HHAT: variants seen among roughly 807,000 people sequenced by gnomAD.
HHAT encodes protein-cysteine N-palmitoyltransferase HHAT.
In HHAT, 47 loss-of-function variants were observed where a neutral mutation model predicts 70.8. That is an observed-to-expected ratio of 0.66 (90% confidence interval 0.53 to 0.85). The LOEUF (loss-of-function observed/expected upper bound fraction) is 0.85. Among genes scored for constraint, HHAT ranks in the 40% least tolerant of loss-of-function variants. The pLI is 0.00. For synonymous variants in HHAT, 228 were observed against 247.6 expected (o/e 0.92, Z 0.74); for missense variants, 609 against 604.8 (o/e 1.01, Z -0.07).
chr1:210,646,305 A>C (rs1674054422), intron 11 of HHAT, among the ~76,000 whole-genome samples: 1 of 152,228 alleles, frequency 6.6e-6, no homozygotes, highest in Non-Finnish European at 1.5e-5. Context: ...GCATATTATT[A>C]TACTAAAGCA....
At chr1:210,576,436 G>A (rs1558195705) in intron 9 of HHAT, among the ~76,000 whole-genome samples, 1 of 149,570 alleles carries the variant, frequency 6.7e-6, no homozygotes, top group African/African-American at 2.5e-5. Flanking sequence ...TGGGGTGTGT[G>A]CGTGTGCGTG....
chr1:210,329,130 T>A (rs773596977), intron 1 of HHAT, 26 bp downstream of exon 1: 2 of 1,317,174 alleles, frequency 1.5e-6, no homozygotes, highest in Non-Finnish European at 1.9e-6. Context: ...CCATAGGGGG[T>A]CCTGGGGAGG....
intron 7 of HHAT, among the ~76,000 whole-genome samples, chr1:210,428,314 A>AATTTTG: frequency 8.3e-5 from 3 of 35,968 alleles, no homozygotes; most frequent in South Asian, 1.1e-3. Context: ...ATATATATAT[A>AATTTTG]TATATATATA....
intron 8 of HHAT, among the ~76,000 whole-genome samples, chr1:210,497,867 G>A (rs993215848): frequency 6.6e-5 from 10 of 151,682 alleles, no homozygotes; most frequent in Non-Finnish European, 1.2e-4. Flanking sequence ...CCTGGTTCAA[G>A]CAATTCTCCT....
At chr1:210,580,097 A>T (rs1426033954) in intron 9 of HHAT, among the ~76,000 whole-genome samples, 1 of 152,234 alleles carries the variant, frequency 6.6e-6, no homozygotes, top group African/African-American at 2.4e-5. Context: ...AAGAGGGCAT[A>T]GAATTTTTAA....
chr1:210,483,898 G>A (rs1197976663), intron 8 of HHAT, among the ~76,000 whole-genome samples: 2 of 152,148 alleles, frequency 1.3e-5, no homozygotes. Context: ...TTGCCACAGA[G>A]CAAAAGCTGT....
chr1:210,621,410 G>T (rs1473587262), intron 10 of HHAT, among the ~76,000 whole-genome samples: 1 of 151,924 alleles, frequency 6.6e-6, no homozygotes, highest in East Asian at 1.9e-4. Flanking sequence ...TATCTGGAGA[G>T]AATTACTTGG....
At chr1:210,619,236 A>ACC (rs1221226114) in intron 10 of HHAT, among the ~76,000 whole-genome samples, 13 of 152,006 alleles carry the variant, frequency 8.6e-5, no homozygotes, top group Non-Finnish European at 1.5e-5. Context: ...ACAACTGGTC[A>ACC]CCCCTGCCTG....
At position 210,525,265 on chromosome 1, in the gene HHAT, C is replaced by T. The variant is rs76900153; in HGVS notation, c.1043+12077C>T. On this transcript the variant is annotated intron_variant, in intron 9 of 11. Coordinates refer to ENST00000261458, the MANE Select transcript of HHAT (RefSeq NM_018194.6). The stretch of plus-strand genomic sequence containing the variant: ...TAAATCCACAAGGCTGGCTCATTCT[C>T]TGGGGCTGCCAGTGAAATCTGTCAC... Among the ~76,000 whole-genome samples the T allele has an allele frequency of 2.1e-4, 32 of 152,218 alleles. No homozygotes were observed. The East Asian group carries it at 6.0e-3, about 29-fold the overall frequency.
At chr1:210,393,626 C>T (rs1039499215) in intron 4 of HHAT, among the ~76,000 whole-genome samples, 4 of 152,150 alleles carry the variant, frequency 2.6e-5, no homozygotes, top group African/African-American at 7.2e-5. Flanking sequence ...CACCTTTCTG[C>T]ATCTTGTTAC....
intron 9 of HHAT, among the ~76,000 whole-genome samples, chr1:210,575,373 T>C (rs560643720): frequency 2.0e-5 from 3 of 152,270 alleles, no homozygotes; most frequent in African/African-American, 7.2e-5. Flanking sequence ...CAAGGACCTT[T>C]TTATTAGCAA....
chr1:210,422,677 G>A (rs937543388), intron 7 of HHAT, among the ~76,000 whole-genome samples: 1 of 151,432 alleles, frequency 6.6e-6, no homozygotes, highest in East Asian at 1.9e-4. Context: ...TCGCTCCATC[G>A]CCCAGGCTGG....
chr1:210,668,609 C>T lies in HHAT; in HGVS notation c.1391-5679C>T, dbSNP rs143736895. On this transcript the variant is annotated intron_variant, in intron 11 of 11. Transcript: ENST00000261458. ...CATGTGGAACTGTGAATCCATTAAA[C>T]CTCTTTTTCTTTATAAATTACCCAG... is the stretch of plus-strand genomic sequence containing the variant. 1.5e-3 allele frequency among the ~76,000 whole-genome samples: 230 copies of T among 152,300 alleles called. 5 individuals carry two copies. The East Asian group carries it at 0.036, about 24-fold the overall frequency.
intron 5 of HHAT, among the ~76,000 whole-genome samples, chr1:210,402,316 G>A (rs543235819): frequency 6.6e-6 from 1 of 152,312 alleles, no homozygotes; most frequent in Admixed American, 6.5e-5. Context: ...GACCATTGAT[G>A]TTTCCCACCT....
intron 11 of HHAT, among the ~76,000 whole-genome samples, chr1:210,627,590 G>A (rs926592986): frequency 1.3e-5 from 2 of 152,084 alleles, no homozygotes; most frequent in Admixed American, 6.5e-5. Context: ...CTGAAGGCAA[G>A]GGATAGAAAT....
chr1:210,352,256 T>C lies in HHAT; in HGVS notation c.91+3190T>C, dbSNP rs968964986. 2.6e-5 allele frequency among the ~76,000 whole-genome samples: 4 copies of C among 152,208 alleles called. No individual in the cohort carries two copies. The South Asian group carries it at 8.3e-4, about 32-fold the overall frequency. ...TTAATCCTTAATGCCTTTCCTTTTA[T>C]TGTCAGTGCTGAAGTGTTTCTCAGG... On this transcript the variant is annotated intron_variant, in intron 2 of 11. Coordinates refer to ENST00000261458, the MANE Select transcript of HHAT (RefSeq NM_018194.6).
chr1:210,446,725 G>A (rs1432646102), intron 7 of HHAT, among the ~76,000 whole-genome samples: 5 of 152,152 alleles, frequency 3.3e-5, no homozygotes, highest in African/African-American at 4.8e-5. Flanking sequence ...CTTGCCTTTC[G>A]TCATCATATG....
At chr1:210,547,629 G>A (rs1407467303) in intron 9 of HHAT, among the ~76,000 whole-genome samples, 2 of 152,090 alleles carry the variant, frequency 1.3e-5, no homozygotes, top group African/African-American at 4.8e-5. Context: ...AAAACATATT[G>A]GACACCATTT....
At chr1:210,614,135 T>A (rs1423170521) in intron 10 of HHAT, among the ~76,000 whole-genome samples, 5 of 152,122 alleles carry the variant, frequency 3.3e-5, no homozygotes, top group Non-Finnish European at 1.5e-5. Flanking sequence ...TTTGCCTCCC[T>A]AGTTAAGTTT....
Sources: allele counts gnomAD v4.1 joint callset (sites outside exome capture counted in the v4.1 genomes callset), GRCh38; gene constraint gnomAD v4.1.1; transcripts MANE v1.5; gene names NCBI Gene and HGNC (gene_info 2026-07-23, HGNC 2026-07-21).